The following NEK1 variants were observed in gnomAD, a reference collection of about 807,000 sequenced individuals.
The protein encoded by NEK1 is NIMA related kinase 1, also known as serine/threonine-protein kinase Nek1.
Under a neutral mutation model 182.1 loss-of-function variants are expected in NEK1, and 137 were observed. The ratio of observed to expected loss-of-function variants is 0.75; its 90% CI spans 0.65 to 0.87. The LOEUF is 0.87. NEK1 is among the 40% of genes least tolerant of loss of function. NEK1 has a pLI of 0.00. For missense variants in NEK1, 1,391 were observed against 1,494.4 expected (o/e 0.93, Z 1.14); for synonymous variants, 513 against 492.2 (o/e 1.04, Z -0.56).
intron 18 of NEK1, among the ~76,000 whole-genome samples, chr4:169,541,182 G>T (rs537510225): frequency 1.4e-4 from 22 of 152,048 alleles, no homozygotes; most frequent in Non-Finnish European, 2.5e-4. Context: ...ATGTAGAAGG[G>T]TTTATTCATT....
intron 12 of NEK1, among the ~76,000 whole-genome samples, chr4:169,566,732 C>G (rs1342610079): frequency 6.6e-6 from 1 of 151,938 alleles, no homozygotes; most frequent in Non-Finnish European, 1.5e-5. Flanking sequence ...TTCTAACGGG[C>G]CATTGTGAAT....
chr4:169,426,716 G>A (rs1319675080), intron 29 of NEK1, among the ~76,000 whole-genome samples: 2 of 152,110 alleles, frequency 1.3e-5, no homozygotes, highest in Non-Finnish European at 2.9e-5. Flanking sequence ...TAATACCATG[G>A]AATATCATGC....
chr4:169,411,855 GACCATTC>G (rs772515840), intron 31 of NEK1, among the ~76,000 whole-genome samples: 21 of 152,044 alleles, frequency 1.4e-4, no homozygotes, highest in Admixed American at 3.3e-4. Flanking sequence ...TTGGCCTACA[GACCATTC>G]ACTGCATTAT....
At chr4:169,464,597 T>G (rs1744586710) in intron 26 of NEK1, among the ~76,000 whole-genome samples, 1 of 152,120 alleles carries the variant, frequency 6.6e-6, no homozygotes, top group African/African-American at 2.4e-5. Context: ...TTTCAGATTT[T>G]GGATTAGAAA....
chr4:169,411,622 C>T (rs148422028), intron 31 of NEK1, among the ~76,000 whole-genome samples: 2,305 of 152,194 alleles, frequency 0.015, 180 homozygotes, highest in Admixed American at 0.13. Flanking sequence ...CACTGCACAC[C>T]GCCATGACTG....
intron 23 of NEK1, among the ~76,000 whole-genome samples, chr4:169,495,904 G>T (rs556135558): frequency 6.6e-6 from 1 of 152,060 alleles, no homozygotes; most frequent in East Asian, 1.9e-4. Context: ...TTGGTTCCAT[G>T]TGAACTTTAA....
chr4:169,571,450 GAGTAA>G (rs766151468), intron 12 of NEK1, among the ~76,000 whole-genome samples: 5 of 151,930 alleles, frequency 3.3e-5, no homozygotes, highest in Admixed American at 6.7e-5. Context: ...AAACAAAGCA[GAGTAA>G]AGTAGAGTAG....
intron 18 of NEK1, among the ~76,000 whole-genome samples, chr4:169,551,732 C>T (rs2149888634): frequency 6.6e-6 from 1 of 152,176 alleles, no homozygotes; most frequent in South Asian, 2.1e-4. Flanking sequence ...TTTCCTAACA[C>T]TCTCCTCCTA....
chr4:169,497,523 C>T (rs1580225265), intron 23 of NEK1, among the ~76,000 whole-genome samples: 1 of 152,322 alleles, frequency 6.6e-6, no homozygotes, highest in Non-Finnish European at 1.5e-5. Context: ...ATCTTTCCTG[C>T]TTTCTCTTGT....
intron 12 of NEK1, among the ~76,000 whole-genome samples, chr4:169,572,134 T>C (rs1764967321): frequency 1.3e-5 from 2 of 152,026 alleles, no homozygotes; most frequent in Non-Finnish European, 2.9e-5. Flanking sequence ...AAAAGGAACA[T>C]TTGGGCTGCT....
At chr4:169,399,586 A>C (rs2110996226) in intron 35 of NEK1, among the ~76,000 whole-genome samples, 1 of 151,962 alleles carries the variant, frequency 6.6e-6, no homozygotes, top group South Asian at 2.1e-4. Context: ...AAAACAAAAA[A>C]AAATGAATTA....
At chr4:169,414,814 T>G (rs1266699417) in intron 31 of NEK1, among the ~76,000 whole-genome samples, 1 of 152,236 alleles carries the variant, frequency 6.6e-6, no homozygotes, top group Non-Finnish European at 1.5e-5. Flanking sequence ...CTATATGGTT[T>G]AAAACAAACT....
intron 23 of NEK1, among the ~76,000 whole-genome samples, chr4:169,480,281 A>G (rs948782670): frequency 5.3e-5 from 8 of 152,106 alleles, no homozygotes; most frequent in Admixed American, 5.2e-4. Flanking sequence ...CTTAATATTT[A>G]GGCTTCTAGA....
rs751475605 is a variant in NEK1, at chr4:169,401,798, C to T, written c.3437G>A (p.Arg1146Lys). 150 of 1,613,676 alleles carry T rather than the reference C, an allele frequency of 9.3e-5. 1 individual carries two copies. The highest frequency in any genetic ancestry group is 1.2e-4 in the Non-Finnish European group (147 of 1,179,806). ...ELQASMEQLLREQPGEEYSEE... is the reference protein window; with the variant it reads ...ELQASMEQLLKEQPGEEYSEE... The stretch of plus-strand genomic sequence containing the variant: ...ACTGTATTCTTCACCAGGTTGTTCC[C>T]TAAGTAACTGTTCCATCGAGGCCTG... Residue 1146 changes from arginine (R) to lysine (K), a missense_variant, in exon 33 of 36, where the codon AGG becomes AAG. Arg to Lys is a conservative substitution (Grantham distance 26). Transcript: ENST00000507142.
Position 169,602,680 on chromosome 4 carries a change from T to A in NEK1, c.-48-2A>T, listed in dbSNP as rs774496175. On this transcript the variant is annotated splice_acceptor_variant, in intron 2 of 35. Transcript: ENST00000507142. LOFTEE classifies it low-confidence loss of function (5UTR_SPLICE). ...CAGATATGCTAGACATTTAAAAAAC[T>A]AACAAAAAAGATAAAGCATTTATAA... 3.1e-6 allele frequency: 3 copies of A among 961,018 alleles called. No homozygotes were observed. The highest frequency in any genetic ancestry group is 1.6e-5 in the African/African-American group (1 of 60,708). 59.5% of individuals were successfully genotyped at this position (961,018 alleles called of 1,614,324 possible). A position where few individuals can be genotyped will look rare whatever the true frequency, so the allele number is the denominator to read the frequency against.
intron 23 of NEK1, among the ~76,000 whole-genome samples, chr4:169,480,650 T>C (rs1747822305): frequency 6.6e-6 from 1 of 152,124 alleles, no homozygotes; most frequent in South Asian, 2.1e-4. Context: ...GGGGTGGCTA[T>C]GACAATTTCT....
At chr4:169,542,555 T>C (rs1483733307) in intron 18 of NEK1, among the ~76,000 whole-genome samples, 1 of 152,228 alleles carries the variant, frequency 6.6e-6, no homozygotes, top group Non-Finnish European at 1.5e-5. Context: ...TTTCTAGTTC[T>C]AGATCCTTGA....
intron 18 of NEK1, among the ~76,000 whole-genome samples, chr4:169,551,951 T>A (rs1428441191): frequency 2.0e-5 from 3 of 152,030 alleles, no homozygotes; most frequent in Admixed American, 2.0e-4. Context: ...CAGAAATACG[T>A]GAAAATTCTT....
chr4:169,471,743 G>T (rs538948150), intron 26 of NEK1, among the ~76,000 whole-genome samples: 14 of 152,248 alleles, frequency 9.2e-5, no homozygotes, highest in African/African-American at 3.4e-4. Flanking sequence ...CTTCCCCCAG[G>T]TGCTCTGTCC....
Sources: gnomAD v4.1 joint callset for allele counts (sites outside exome capture counted in the v4.1 genomes callset) on GRCh38, gnomAD v4.1.1 for gene constraint, MANE v1.5 for transcripts, NCBI Gene and HGNC (gene_info 2026-07-23, HGNC 2026-07-21) for gene names.